The following RBFOX1 variants were observed in gnomAD, a reference collection of about 807,000 sequenced individuals.
RBFOX1 encodes RNA binding protein fox-1 homolog 1.
A neutral mutation model predicts 57.7 loss-of-function variants in RBFOX1; 8 were observed. That is an observed-to-expected ratio of 0.14 (90% confidence interval 0.08 to 0.25). RBFOX1 has a LOEUF of 0.25. Ranked by LOEUF, RBFOX1 falls within the 10% of genes least tolerant of loss-of-function variation. RBFOX1 has a pLI of 1.00. For synonymous variants in RBFOX1, 326 were observed against 222.4 expected, an observed-to-expected ratio of 1.47 and a Z score of -4.15; for missense variants, 611 against 548.5, an observed-to-expected ratio of 1.11 and a Z score of -1.14.
chr16:7,299,226 A>G (rs2095972202), intron 4 of RBFOX1, among the ~76,000 whole-genome samples: 1 of 152,120 alleles, frequency 6.6e-6, no homozygotes. Context: ...TAGGCATTTT[A>G]TTCGTTATTT....
chr16:5,424,989 T>TTTCTTTCTTTC lies in RBFOX1; in HGVS notation c.220-42225_220-42224insCTTTCTTTCTT, dbSNP rs59594774. On this transcript the variant is annotated intron_variant, in intron 1 of 2. Coordinates refer to the RBFOX1 transcript ENST00000585867. Reference sequence around the variant, plus strand: ...CTCTTTCTTTCTTTCTTTTCTTTTCTTTTCTTTTCTTTTCTTTTCTTTTCT... The same window carrying TTTCTTTCTTTC: ...CTCTTTCTTTCTTTCTTTTCTTTTCTTTCTTTCTTTCTTTCTTTTCTTTTCTTTTCTTTTCT... 2.4e-3 allele frequency among the ~76,000 whole-genome samples: 183 copies of TTTCTTTCTTTC among 75,794 alleles called. 6 individuals carry two copies. Among genetic ancestry groups the TTTCTTTCTTTC allele is most frequent in the African/African-American group, 7.7e-3 (170 of 22,068 alleles). The allele number at this position is 75,794 out of a possible 152,430, so 49.7% of individuals were successfully genotyped here. A position where few individuals can be genotyped will look rare whatever the true frequency, so the allele number is the denominator to read the frequency against.
At chr16:5,775,732 G>A (rs2054125964) in intron 3 of RBFOX1, among the ~76,000 whole-genome samples, 1 of 152,190 alleles carries the variant, frequency 6.6e-6, no homozygotes, top group Non-Finnish European at 1.5e-5. Flanking sequence ...CTAACTTGTT[G>A]GAAGCATGGA....
chr16:6,821,151 G>T (rs1484715819), intron 3 of RBFOX1, among the ~76,000 whole-genome samples: 1 of 152,136 alleles, frequency 6.6e-6, no homozygotes, highest in East Asian at 1.9e-4. Context: ...AGGTTTATCT[G>T]CCCATGTTCA....
At chr16:5,593,849 A>T (rs184154500) in intron 2 of RBFOX1, among the ~76,000 whole-genome samples, 5 of 152,026 alleles carry the variant, frequency 3.3e-5, no homozygotes, top group African/African-American at 1.2e-4. Context: ...CTTGCGCGAG[A>T]TCCAAGAACC....
intron 2 of RBFOX1, among the ~76,000 whole-genome samples, chr16:6,381,231 T>C (rs962690117): frequency 6.6e-6 from 1 of 152,202 alleles, no homozygotes; most frequent in African/African-American, 2.4e-5. Context: ...CTCATGTGCA[T>C]ATATTGCGTA....
intron 1 of RBFOX1, among the ~76,000 whole-genome samples, chr16:6,149,029 G>A (rs1241992751): frequency 6.6e-6 from 1 of 152,174 alleles, no homozygotes; most frequent in East Asian, 1.9e-4. Context: ...CCCAAATGTA[G>A]ATCATTGAAA....
At chr16:5,656,031 A>C (rs1382244464) in intron 3 of RBFOX1, among the ~76,000 whole-genome samples, 1 of 152,246 alleles carries the variant, frequency 6.6e-6, no homozygotes, top group Non-Finnish European at 1.5e-5. Context: ...TGCTCGTTAA[A>C]AGCTTGTGGA....
In RBFOX1 at chr16:7,682,728, G is replaced by A. The variant is rs146024956; in HGVS notation, c.995+5890G>A. Among the ~76,000 whole-genome samples the A allele has an allele frequency of 3.5e-3, 523 of 151,466 alleles. 4 individuals carry two copies. Among genetic ancestry groups the A allele is most frequent in the African/African-American group, 0.012 (482 of 41,306 alleles). ...TCTAGAAAAGCACGTCCAGGTTTTA[G>A]TTAGAACTCCAGGTTGAGCACGTGT... On this transcript the variant is annotated intron_variant, in intron 14 of 15. Coordinates refer to ENST00000550418, the MANE Select transcript of RBFOX1 (RefSeq NM_018723.4).
intron 3 of RBFOX1, among the ~76,000 whole-genome samples, chr16:6,860,639 C>G (rs1203507469): frequency 6.6e-6 from 1 of 152,134 alleles, no homozygotes; most frequent in South Asian, 2.1e-4. Flanking sequence ...ATCAACCAGA[C>G]ATTAATTGTC....
chr16:6,806,834 A>AT (rs1309354557), intron 3 of RBFOX1, among the ~76,000 whole-genome samples: 10 of 74,176 alleles, frequency 1.3e-4, no homozygotes, highest in East Asian at 4.5e-4. Context: ...ATATATATAT[A>AT]TATTTTTTTT....
chr16:7,116,112 T>C (rs1036790746), intron 4 of RBFOX1, among the ~76,000 whole-genome samples: 1 of 152,186 alleles, frequency 6.6e-6, no homozygotes, highest in African/African-American at 2.4e-5. Context: ...ATAAGGAAAC[T>C]GAGGCACAGA....
chr16:6,799,724 G>A (rs1041698655), intron 3 of RBFOX1, among the ~76,000 whole-genome samples: 1 of 152,110 alleles, frequency 6.6e-6, no homozygotes, highest in African/African-American at 2.4e-5. Flanking sequence ...CTCCTGTGCT[G>A]GATACTTCTT....
At chr16:5,391,088 C>T (rs1407164322) in intron 1 of RBFOX1, among the ~76,000 whole-genome samples, 3 of 152,162 alleles carry the variant, frequency 2.0e-5, no homozygotes, top group African/African-American at 7.2e-5. Flanking sequence ...AGTGAGACAG[C>T]AGGAACATTC....
intron 1 of RBFOX1, among the ~76,000 whole-genome samples, chr16:6,142,449 C>T (rs941410647): frequency 4.6e-5 from 7 of 151,952 alleles, no homozygotes; most frequent in Admixed American, 4.6e-4. Context: ...TCTCGATCTC[C>T]TGACCTTGTG....
In RBFOX1 at chr16:7,644,091, T is replaced by C. The variant is rs1393590589; in HGVS notation, c.758-9724T>C. Reference sequence around the variant, plus strand: ...CTAAGAAGCAGAGAGAGAGTAGAAGTAGAAAGCTTTTCCCGGAGCCTGACT... The same window carrying C: ...CTAAGAAGCAGAGAGAGAGTAGAAGCAGAAAGCTTTTCCCGGAGCCTGACT... On this transcript the variant is annotated intron_variant, in intron 11 of 15. Coordinates refer to ENST00000550418, the MANE Select transcript of RBFOX1 (RefSeq NM_018723.4). Among the ~76,000 whole-genome samples the C allele has an allele frequency of 2.0e-5, 3 of 152,110 alleles. No homozygotes were observed. The East Asian group carries it at 5.8e-4, about 29-fold the overall frequency.
intron 4 of RBFOX1, among the ~76,000 whole-genome samples, chr16:7,376,523 G>T (rs1037947635): frequency 6.6e-6 from 1 of 152,236 alleles, no homozygotes; most frequent in Non-Finnish European, 1.5e-5. Context: ...CTGTGTCTGT[G>T]ATAAGTCCCT....
chr16:5,809,594 T>G (rs2055349371), intron 3 of RBFOX1, among the ~76,000 whole-genome samples: 1 of 152,294 alleles, frequency 6.6e-6, no homozygotes, highest in South Asian at 2.1e-4. Flanking sequence ...TCACGGGCCA[T>G]CAGAGAAATG....
chr16:6,776,049 CAT>C (rs2154218976), intron 3 of RBFOX1: 1 of 152,150 alleles, frequency 6.6e-6, no homozygotes, highest in East Asian at 1.9e-4. Flanking sequence ...TTTCTTGGAT[CAT>C]ATGTTTTTAA....
At chr16:5,448,781 C>A (rs1307753883) in intron 1 of RBFOX1, among the ~76,000 whole-genome samples, 5 of 152,198 alleles carry the variant, frequency 3.3e-5, no homozygotes, top group African/African-American at 1.2e-4. Context: ...TTTTTGAGCA[C>A]AAATTCGGTG....
Sources: allele counts gnomAD v4.1 joint callset (sites outside exome capture counted in the v4.1 genomes callset), GRCh38; gene constraint gnomAD v4.1.1; transcripts MANE v1.5; gene names NCBI Gene and HGNC (gene_info 2026-07-23, HGNC 2026-07-21).